The following SASH1 variants were observed in gnomAD, a reference collection of about 807,000 sequenced individuals.
The protein encoded by SASH1 is SAM and SH3 domain-containing protein 1.
In SASH1, 44 loss-of-function variants were observed where a neutral mutation model predicts 125.2. The ratio of observed to expected loss-of-function variants is 0.35; its 90% CI spans 0.28 to 0.45. The LOEUF (loss-of-function observed/expected upper bound fraction) is 0.45. Among genes scored for constraint, SASH1 ranks in the 20% least tolerant of loss-of-function variants. SASH1 has a pLI of 1.00. For missense variants in SASH1, 1,426 were observed against 1,614.5 expected (o/e 0.88, Z 2.00); for synonymous variants, 639 against 649.1 (o/e 0.98, Z 0.24).
chr6:148,242,618 G>C, the SASH1 span, among the ~76,000 whole-genome samples: 1 of 152,162 alleles, frequency 6.6e-6, no homozygotes, highest in Non-Finnish European at 1.5e-5. Context: ...TCATTCACAA[G>C]GTTATTTACA....
At chr6:148,493,418 A>G (rs1779190752) in intron 8 of SASH1, among the ~76,000 whole-genome samples, 2 of 152,182 alleles carry the variant, frequency 1.3e-5, no homozygotes, top group African/African-American at 4.8e-5. Context: ...ACCACGGGTT[A>G]TAGGCGCTTT....
intron 8 of SASH1, among the ~76,000 whole-genome samples, chr6:148,497,011 C>T (rs1221843719): frequency 6.6e-6 from 1 of 151,436 alleles, no homozygotes; most frequent in Non-Finnish European, 1.5e-5. Context: ...CATTTTATTT[C>T]GCTGGGTAGG....
Position 148,544,711 on chromosome 6 carries a change from T to C in SASH1, c.3241T>C (p.Leu1081=). 2 of 1,611,320 alleles carry C rather than the reference T, an allele frequency of 1.2e-6. No homozygotes were observed. The highest frequency in any genetic ancestry group is 1.7e-6 in the Non-Finnish European group (2 of 1,178,724). ...GCACGGTGTGAAGCTGGGCCCGGCT[T>C]TGACCAGGAAGGTCTCCTGTGCCCG... is the stretch of plus-strand genomic sequence containing the variant. ...QEHGVKLGPA[L]TRKVSCARGV... Residue 1081 remains leucine (L), a synonymous_variant, in exon 18 of 20, where the codon TTG becomes CTG. Transcript: ENST00000367467. This position sits in a 1 kb window ranked among gnomAD's most constrained non-coding sequence, Gnocchi z 6.4.
intron 1 of SASH1, among the ~76,000 whole-genome samples, chr6:148,343,599 C>T (rs755393832): frequency 1.3e-5 from 2 of 152,198 alleles, no homozygotes; most frequent in Non-Finnish European, 2.9e-5. Flanking sequence ...TATCTCTTCA[C>T]CATTTGTTGT....
the SASH1 span, among the ~76,000 whole-genome samples, chr6:148,212,924 G>A: frequency 2.0e-5 from 3 of 152,240 alleles, no homozygotes; most frequent in East Asian, 3.9e-4. Context: ...TGATGGGGAC[G>A]GTAGAGCAGC....
intron 1 of SASH1, among the ~76,000 whole-genome samples, chr6:148,326,362 A>T (rs1311793695): frequency 5.0e-4 from 33 of 66,374 alleles, no homozygotes; most frequent in East Asian, 2.4e-3. Context: ...ATATATGCAT[A>T]TATATATATA....
intron 6 of SASH1, among the ~76,000 whole-genome samples, chr6:148,472,712 G>A (rs1375049548): frequency 6.6e-6 from 1 of 152,166 alleles, no homozygotes; most frequent in Non-Finnish European, 1.5e-5. Context: ...TTTTTGGATT[G>A]ATTGATTACA....
chr6:148,269,214 C>A (rs1386543297), upstream of SASH1, among the ~76,000 whole-genome samples: 1 of 152,220 alleles, frequency 6.6e-6, no homozygotes, highest in Non-Finnish European at 1.5e-5. Flanking sequence ...GGAGCTAGTG[C>A]ACATGATACC....
At chr6:148,324,715 G>A (rs1346579113) in intron 1 of SASH1, among the ~76,000 whole-genome samples, 1 of 152,202 alleles carries the variant, frequency 6.6e-6, no homozygotes, top group African/African-American at 2.4e-5. Context: ...TCTGGGCTGA[G>A]CTTTCAGGAA....
chr6:148,337,006 G>A (rs4896994), intron 1 of SASH1, among the ~76,000 whole-genome samples: 12,072 of 152,178 alleles, frequency 0.079, 747 homozygotes, highest in East Asian at 0.32. Flanking sequence ...CCCACAACTT[G>A]TAGACTAATG....
chr6:148,267,891 A>T (rs1490901046), upstream of SASH1, among the ~76,000 whole-genome samples: 2 of 152,216 alleles, frequency 1.3e-5, no homozygotes, highest in African/African-American at 4.8e-5. Context: ...TATGAGAAAC[A>T]ATGTGTTGAA....
Position 148,385,276 on chromosome 6 carries a change from G to A in SASH1, c.157-4858G>A, listed in dbSNP as rs563736187. ...TTTGAACAGCTGCTCTTTTCCTCAG[G>A]AGCAACAAATATATTTTTCAGGTCC... On this transcript the variant is annotated intron_variant, in intron 1 of 19. Transcript: ENST00000367467. Among the ~76,000 whole-genome samples, 21 of 152,284 alleles carry A rather than the reference G, an allele frequency of 1.4e-4. No individual in the cohort carries two copies. In the East Asian group the frequency reaches 3.7e-3, roughly 27 times the overall value.
At chr6:148,233,945 T>C in the SASH1 span, among the ~76,000 whole-genome samples, 6 of 151,518 alleles carry the variant, frequency 4.0e-5, no homozygotes, top group African/African-American at 7.3e-5. Flanking sequence ...CCTCCCTTTA[T>C]GTGATCCACA....
chr6:148,463,387 C>T (rs1293452592), intron 4 of SASH1, among the ~76,000 whole-genome samples: 4 of 152,112 alleles, frequency 2.6e-5, no homozygotes, highest in Admixed American at 6.5e-5. Flanking sequence ...TCAGGTGATC[C>T]ACCCGTCTCG....
intron 1 of SASH1, among the ~76,000 whole-genome samples, chr6:148,296,334 C>T (rs1357830771): frequency 2.6e-5 from 4 of 152,148 alleles, no homozygotes; most frequent in African/African-American, 9.7e-5. Context: ...CCATGTTGGC[C>T]AGGCTGGTCT....
intron 4 of SASH1, among the ~76,000 whole-genome samples, chr6:148,457,493 C>G (rs566094699): frequency 6.6e-6 from 1 of 152,204 alleles, no homozygotes; most frequent in South Asian, 2.1e-4. Context: ...TGACTAATTG[C>G]GTGACCTTGG....
At chr6:148,516,176 A>T (rs2115336292) in intron 9 of SASH1, among the ~76,000 whole-genome samples, 1 of 152,366 alleles carries the variant, frequency 6.6e-6, no homozygotes, top group Middle Eastern at 3.4e-3. Flanking sequence ...TCTGGGCACA[A>T]ATCAGGCTTC....
intron 2 of SASH1, among the ~76,000 whole-genome samples, chr6:148,420,686 T>C (rs1785021234): frequency 6.6e-6 from 1 of 152,168 alleles, no homozygotes. Context: ...TTGTTCCCTA[T>C]TTTTTTAATC....
the SASH1 span, among the ~76,000 whole-genome samples, chr6:148,262,965 C>T: frequency 2.0e-5 from 3 of 152,174 alleles, no homozygotes; most frequent in Non-Finnish European, 2.9e-5. Flanking sequence ...TTCAGGCAAA[C>T]ATTCAGCACT....
Sources: allele counts gnomAD v4.1 joint callset (sites outside exome capture counted in the v4.1 genomes callset), GRCh38; gene constraint gnomAD v4.1.1; non-coding constraint Gnocchi (gnomAD v3.1); transcripts MANE v1.5; gene names NCBI Gene and HGNC (gene_info 2026-07-23, HGNC 2026-07-21).